SMAGP: variants seen among roughly 807,000 people sequenced by gnomAD.
The protein encoded by SMAGP is small cell adhesion glycoprotein, also known as small cell transmembrane and glycosylated protein.
In SMAGP, 7 loss-of-function variants were observed where a neutral mutation model predicts 10.1. The ratio of observed to expected loss-of-function variants is 0.70; its 90% CI spans 0.40 to 1.31. SMAGP has a LOEUF of 1.31. Among genes scored for constraint, SMAGP ranks in the 50% most tolerant of loss-of-function variants. The pLI is 0.01. For missense variants in SMAGP, 113 were observed against 116.5 expected (o/e 0.97, Z 0.14); for synonymous variants, 49 against 47.2 (o/e 1.04, Z -0.16).
At chr12:51,252,536 C>A (rs917615028) in intron 2 of SMAGP, among the ~76,000 whole-genome samples, 11 of 152,218 alleles carry the variant, frequency 7.2e-5, no homozygotes, top group African/African-American at 2.6e-4. Context: ...GAATTACAGG[C>A]ATGTGCCACC....
intron 1 of SMAGP, 66 bp from the exon 2 acceptor site, chr12:51,269,382 T>C (rs922669162): frequency 1.5e-6 from 2 of 1,330,574 alleles, no homozygotes; most frequent in Admixed American, 1.8e-5. Context: ...GTCCTGGAAG[T>C]CCCAGGAAAG....
intron 2 of SMAGP, among the ~76,000 whole-genome samples, chr12:51,256,657 T>C (rs57598683): frequency 0.1 from 15,266 of 151,116 alleles, 1,751 homozygotes; most frequent in African/African-American, 0.26. Flanking sequence ...GAGGCGGAGG[T>C]TGCGGCGAGC....
At chr12:51,246,393 C>T (rs569171642) in intron 3 of SMAGP, 23 of 476,804 alleles carry the variant, frequency 4.8e-5, no homozygotes, top group South Asian at 2.4e-4. Flanking sequence ...CTTAAAGAAA[C>T]GGGAAGGAGG....
In SMAGP at chr12:51,269,247, C is replaced by T. The variant is rs371385707; in HGVS notation, c.32G>A (p.Arg11Lys). 3 of 1,613,862 alleles carry T rather than the reference C, an allele frequency of 1.9e-6. No individual in the cohort carries two copies. The highest frequency in any genetic ancestry group is 1.7e-6 in the Non-Finnish European group (2 of 1,179,800). Reference sequence around the variant, plus strand: ...GATTAGGAAAGGCCTTCACCTACCTCTTGGAGAAGGAGTAGTCAGGAGGCT... The same window carrying T: ...GATTAGGAAAGGCCTTCACCTACCTTTTGGAGAAGGAGTAGTCAGGAGGCT... MTSLLTTPSP[R>K]EELMTTPILQ... The change falls in exon 2 of 4, where the codon AGA (arginine) becomes AAA (lysine). Residue 11 changes from arginine (R) to lysine (K), a missense_variant and splice_region_variant. By Grantham distance (26) the Arg-to-Lys change is conservative (BLOSUM62 2). Transcript: ENST00000603798.
intron 2 of SMAGP, among the ~76,000 whole-genome samples, chr12:51,247,034 T>C (rs1171391961): frequency 6.6e-6 from 1 of 152,132 alleles, no homozygotes; most frequent in African/African-American, 2.4e-5. Context: ...TTGATGGATT[T>C]CTCCCTGCAT....
At chr12:51,249,798 G>A (rs532059207) in intron 2 of SMAGP, among the ~76,000 whole-genome samples, 113 of 151,732 alleles carry the variant, frequency 7.4e-4, no homozygotes, top group Non-Finnish European at 1.4e-3. Flanking sequence ...TGTATTTTCA[G>A]TAGAGACAGG....
At chr12:51,266,019 T>C (rs1268222625) in intron 2 of SMAGP, among the ~76,000 whole-genome samples, 1 of 152,000 alleles carries the variant, frequency 6.6e-6, no homozygotes, top group Non-Finnish European at 1.5e-5. Context: ...GAGGCGGAGC[T>C]TGCAGTGAGC....
At chr12:51,246,683 C>A in intron 3 of SMAGP, 68 bp downstream of exon 3, 1 of 1,254,190 alleles carries the variant, frequency 8.0e-7, no homozygotes, top group Non-Finnish European at 1.1e-6. Flanking sequence ...TGGATTTGGT[C>A]AGGCTCCCTC....
intron 2 of SMAGP, among the ~76,000 whole-genome samples, chr12:51,262,290 G>A (rs1944938786): frequency 1.3e-5 from 2 of 151,844 alleles, no homozygotes. Flanking sequence ...GACCAACCTG[G>A]GCAACATGGC....
intron 2 of SMAGP, among the ~76,000 whole-genome samples, chr12:51,266,342 C>T (rs1396584395): frequency 1.3e-5 from 2 of 152,046 alleles, no homozygotes; most frequent in African/African-American, 2.4e-5. Flanking sequence ...AGTACCACAG[C>T]GCTTGTGTTC....
chr12:51,253,053 G>A (rs1176047169), intron 2 of SMAGP, among the ~76,000 whole-genome samples: 1 of 152,112 alleles, frequency 6.6e-6, no homozygotes, highest in Non-Finnish European at 1.5e-5. Context: ...TGGAAGGAAG[G>A]TGGAGTCCAT....
rs778548843 is a variant in SMAGP at position 51,251,799 on chromosome 12, A to AT, written c.35-4969dup. ...TTTATTTTCAGTTATCTATTCTTTA[A>AT]TTTTTTTAAATTGAGCAGCCCCTAG... On this transcript the variant is annotated intron_variant, in intron 2 of 3. Coordinates refer to ENST00000603798, the MANE Select transcript of SMAGP (RefSeq NM_001031628.2). 1.1e-4 allele frequency among the ~76,000 whole-genome samples: 16 copies of AT among 152,154 alleles called. 1 individual carries two copies. Among genetic ancestry groups the AT allele is most frequent in the Admixed American group, 2.0e-4 (3 of 15,266 alleles).
At chr12:51,255,532 T>G (rs1440879255) in intron 2 of SMAGP, among the ~76,000 whole-genome samples, 1 of 152,124 alleles carries the variant, frequency 6.6e-6, no homozygotes, top group East Asian at 1.9e-4. Flanking sequence ...AGAGGCCATA[T>G]GGAGGAAAAC....
intron 2 of SMAGP, among the ~76,000 whole-genome samples, chr12:51,261,549 T>C (rs1339136810): frequency 6.6e-6 from 1 of 152,078 alleles, no homozygotes; most frequent in Admixed American, 6.6e-5. Context: ...CAGCAGAAAC[T>C]GGGAAAGACA....
At chr12:51,256,665 A>G (rs2137302821) in intron 2 of SMAGP, among the ~76,000 whole-genome samples, 1 of 152,030 alleles carries the variant, frequency 6.6e-6, no homozygotes, top group South Asian at 2.1e-4. Flanking sequence ...GGTTGCGGCG[A>G]GCTGAGATCG....
Position 51,248,092 on chromosome 12 carries a change from A to G in SMAGP, c.35-1261T>C, listed in dbSNP as rs139150846. 7.9e-5 allele frequency among the ~76,000 whole-genome samples: 12 copies of G among 151,230 alleles called. No individual in the cohort carries two copies. The East Asian group carries it at 1.8e-3, about 22-fold the overall frequency. On this transcript the variant is annotated intron_variant, in intron 2 of 3. Coordinates refer to ENST00000603798, the MANE Select transcript of SMAGP (RefSeq NM_001031628.2). ...GCCAGCGTGGCCCGAGCGCGGTGTG[A>G]GCATGACTCCCGTCCAGTGCCTGAC... is the stretch of plus-strand genomic sequence containing the variant.
At chr12:51,247,941 C>A (rs1363800677) in intron 2 of SMAGP, among the ~76,000 whole-genome samples, 2 of 152,172 alleles carry the variant, frequency 1.3e-5, no homozygotes, top group Non-Finnish European at 2.9e-5. Flanking sequence ...AAGCGACCCC[C>A]CAAGGGAGGA....
intron 2 of SMAGP, among the ~76,000 whole-genome samples, chr12:51,256,048 G>C (rs948009390): frequency 1.3e-5 from 2 of 152,296 alleles, no homozygotes; most frequent in South Asian, 4.1e-4. Context: ...TGGCATTACA[G>C]GTGTGAGCTA....
intron 2 of SMAGP, among the ~76,000 whole-genome samples, chr12:51,248,418 ACACACACACACACACACTCTCT>A: frequency 9.1e-6 from 1 of 110,434 alleles, no homozygotes; most frequent in Non-Finnish European, 1.8e-5. Flanking sequence ...ACACACACAC[ACACACACACACACACACTCTCT>A]CTCTCTCTCT....
Sources: allele counts gnomAD v4.1 joint callset (sites outside exome capture counted in the v4.1 genomes callset), GRCh38; gene constraint gnomAD v4.1.1; transcripts MANE v1.5; gene names NCBI Gene and HGNC (gene_info 2026-07-23, HGNC 2026-07-21).